Variants in SNX29 observed in about 807,000 individuals in gnomAD.
SNX29 encodes the protein sorting nexin-29.
A neutral mutation model predicts 102.1 loss-of-function variants in SNX29; 78 were observed. That is an observed-to-expected ratio of 0.76 (90% CI 0.64 to 0.92). The LOEUF (loss-of-function observed/expected upper bound fraction) is 0.92, where lower values mean the gene tolerates loss of function less well. Ranked by LOEUF, SNX29 falls within the 40% of genes least tolerant of loss-of-function variation. The probability of loss-of-function intolerance (pLI) is 0.00; values close to 1 mark genes in which losing one functional copy is unlikely to be tolerated. For missense variants in SNX29, 1,280 were observed against 1,061.7 expected (o/e 1.21, Z -2.86); for synonymous variants, 580 against 414.5 (o/e 1.40, Z -4.85).
intron 14 of SNX29, among the ~76,000 whole-genome samples, chr16:12,260,188 T>C (rs2078692877): frequency 1.3e-5 from 2 of 152,224 alleles, no homozygotes; most frequent in Admixed American, 1.3e-4. Flanking sequence ...CCTTGAAACA[T>C]GAGACTTTGC....
At chr16:12,238,672 A>G (rs1014893854) in intron 14 of SNX29, among the ~76,000 whole-genome samples, 1 of 152,206 alleles carries the variant, frequency 6.6e-6, no homozygotes, top group African/African-American at 2.4e-5. Context: ...AAACCGCTGC[A>G]TTGCAAACCA....
intron 20 of SNX29, among the ~76,000 whole-genome samples, chr16:12,564,754 T>G (rs2078921457): frequency 6.6e-6 from 1 of 151,926 alleles, no homozygotes; most frequent in South Asian, 2.1e-4. Context: ...ACTGTCTGCT[T>G]CTTGGTGATT....
intron 20 of SNX29, among the ~76,000 whole-genome samples, chr16:12,565,734 A>ACC (rs943736598): frequency 9.2e-5 from 14 of 151,676 alleles, no homozygotes; most frequent in African/African-American, 3.1e-4. Flanking sequence ...CTACAAGTCC[A>ACC]CCCCCTCCCC....
intron 16 of SNX29, among the ~76,000 whole-genome samples, chr16:12,368,022 A>G (rs779585387): frequency 2.6e-5 from 4 of 152,230 alleles, no homozygotes; most frequent in Non-Finnish European, 5.9e-5. Flanking sequence ...AAATACCCCA[A>G]GTGATCACAT....
intron 3 of SNX29, among the ~76,000 whole-genome samples, chr16:12,006,703 C>G (rs191013540): frequency 7.2e-4 from 109 of 152,006 alleles, no homozygotes; most frequent in African/African-American, 2.4e-3. Flanking sequence ...TCACATCAGC[C>G]TCAACCTCCC....
At chr16:12,025,544 G>T (rs940849822) in intron 3 of SNX29, among the ~76,000 whole-genome samples, 4 of 152,118 alleles carry the variant, frequency 2.6e-5, no homozygotes, top group African/African-American at 9.7e-5. Context: ...TAAGATAGAA[G>T]GTGAAAACCA....
At chr16:12,124,304 C>T (rs1420095563) in intron 11 of SNX29, among the ~76,000 whole-genome samples, 3 of 149,368 alleles carry the variant, frequency 2.0e-5, no homozygotes, top group Non-Finnish European at 4.4e-5. Context: ...TGCAGTGAGC[C>T]GAGATCATAC....
At chr16:12,555,666 C>T (rs1938916836) in intron 20 of SNX29, among the ~76,000 whole-genome samples, 2 of 152,114 alleles carry the variant, frequency 1.3e-5, no homozygotes, top group Admixed American at 6.5e-5. Flanking sequence ...GTCACTCCTG[C>T]ACGAAGTCTG....
chr16:12,500,957 G>A (rs1018477232), intron 19 of SNX29, among the ~76,000 whole-genome samples: 8 of 152,162 alleles, frequency 5.3e-5, no homozygotes, highest in East Asian at 1.9e-4. Flanking sequence ...TCTGAGCCAC[G>A]CCTGTCATGG....
intron 15 of SNX29, among the ~76,000 whole-genome samples, chr16:12,289,869 G>C (rs1447682935): frequency 6.6e-6 from 1 of 152,022 alleles, no homozygotes; most frequent in Non-Finnish European, 1.5e-5. Context: ...AAGAGATGTA[G>C]TCCTGTCAAG....
At chr16:12,313,707 A>G (rs1469338819) in intron 15 of SNX29, among the ~76,000 whole-genome samples, 1 of 152,316 alleles carries the variant, frequency 6.6e-6, no homozygotes, top group Non-Finnish European at 1.5e-5. Flanking sequence ...TCATTGTTGC[A>G]TCCCCCACAC....
At chr16:12,551,107 G>A (rs886275605) in intron 20 of SNX29, among the ~76,000 whole-genome samples, 1 of 152,042 alleles carries the variant, frequency 6.6e-6, no homozygotes, top group South Asian at 2.1e-4. Context: ...GATGAAATCT[G>A]GTGTGAAATA....
At chr16:12,028,117 C>G (rs977222344) in intron 4 of SNX29, among the ~76,000 whole-genome samples, 2 of 152,168 alleles carry the variant, frequency 1.3e-5, no homozygotes, top group African/African-American at 2.4e-5. Context: ...GCTTTCAGTT[C>G]CAGCCCTGAC....
At chr16:12,189,345 G>A (rs2076586808) in intron 13 of SNX29, among the ~76,000 whole-genome samples, 1 of 152,126 alleles carries the variant, frequency 6.6e-6, no homozygotes, top group South Asian at 2.1e-4. Context: ...ATGTCTGTTC[G>A]GGCTAGAACA....
chr16:12,060,776 A>T, intron 8 of SNX29: 1 of 456,280 alleles, frequency 2.2e-6, no homozygotes, highest in Non-Finnish European at 4.4e-6. Context: ...ATTACTCCCA[A>T]ACAAACCCAA....
chr16:12,522,990 T>G (rs1301994420), intron 19 of SNX29, among the ~76,000 whole-genome samples: 2 of 152,166 alleles, frequency 1.3e-5, no homozygotes, highest in East Asian at 3.9e-4. Context: ...TTTTCAATTT[T>G]TTATAGAGAT....
rs565509490 is a variant in SNX29, at chr16:12,016,526, G to A, written c.123-10794G>A. Among the ~76,000 whole-genome samples the A allele has an allele frequency of 4.6e-5, 7 of 152,200 alleles. No homozygotes were observed. In the East Asian group the frequency reaches 5.8e-4, roughly 13 times the overall value. On this transcript the variant is annotated intron_variant, in intron 3 of 20. Transcript: ENST00000566228. Reference sequence around the variant, plus strand: ...ATCTAGAGCGGCTGTACCATTTTGCGTTCCCACCAGTAGTGTGGCAGTGAT... The same window carrying A: ...ATCTAGAGCGGCTGTACCATTTTGCATTCCCACCAGTAGTGTGGCAGTGAT...
At chr16:12,255,206 A>T (rs118065112) in intron 14 of SNX29, among the ~76,000 whole-genome samples, 2 of 151,744 alleles carry the variant, frequency 1.3e-5, no homozygotes, top group African/African-American at 2.4e-5. Flanking sequence ...GTATTTTTTT[A>T]TTTTTTTGAG....
At chr16:12,312,242 C>G (rs2080580314) in intron 15 of SNX29, among the ~76,000 whole-genome samples, 2 of 152,198 alleles carry the variant, frequency 1.3e-5, no homozygotes, top group Admixed American at 1.3e-4. Context: ...ATGTCCCCAT[C>G]CCAGCCCCCT....
Sources: allele counts gnomAD v4.1 joint callset (sites outside exome capture counted in the v4.1 genomes callset), GRCh38; gene constraint gnomAD v4.1.1; transcripts MANE v1.5; gene names NCBI Gene and HGNC (gene_info 2026-07-23, HGNC 2026-07-21).